The following ROBO2 variants were observed in gnomAD, a reference collection of about 807,000 sequenced individuals.
ROBO2 encodes roundabout guidance receptor 2.
ROBO2 carries 53 observed loss-of-function variants against 160.8 expected under a neutral mutation model. The observed-to-expected ratio is 0.33, with a 90% CI of 0.26 to 0.41. The LOEUF (loss-of-function observed/expected upper bound fraction) is 0.41. ROBO2 is among the 10% of genes least tolerant of loss of function. ROBO2 has a pLI of 1.00. For missense variants in ROBO2, 1,577 were observed against 1,722.4 expected (o/e 0.92, Z 1.49); for synonymous variants, 664 against 611.7 (o/e 1.09, Z -1.26).
Position 77,252,831 on chromosome 3 carries a change from A to AAAAAAAAAAAT in ROBO2, c.388+154492_388+154493insAAAAAAAAATA. On this transcript the variant is annotated intron_variant, in intron 2 of 25. Transcript: ENST00000461745. The stretch of plus-strand genomic sequence containing the variant: ...TCAAAAAAAAAAAAAAAAAAAAAAA[A>AAAAAAAAAAAT]ATATATATATATATATATATGAAAA... Among the ~76,000 whole-genome samples, 12 of 12,516 alleles carry AAAAAAAAAAAT rather than the reference A, an allele frequency of 9.6e-4. 1 individual carries two copies. The highest frequency in any genetic ancestry group is 1.6e-3 in the African/African-American group (10 of 6,314). The allele number at this position is 12,516 out of a possible 152,430, so 8.2% of individuals were successfully genotyped here. A position where few individuals can be genotyped will look rare whatever the true frequency, so the allele number is the denominator to read the frequency against.
chr3:77,191,710 GAACTGACC>G (rs879859749), intron 2 of ROBO2, among the ~76,000 whole-genome samples: 1 of 152,180 alleles, frequency 6.6e-6, no homozygotes, highest in African/African-American at 2.4e-5. Flanking sequence ...GAGGACCTGA[GAACTGACC>G]AATATTGGTT....
intron 2 of ROBO2, among the ~76,000 whole-genome samples, chr3:75,958,051 T>C (rs1444520509): frequency 1.3e-5 from 2 of 151,816 alleles, no homozygotes; most frequent in Non-Finnish European, 2.9e-5. Context: ...ATAAATGGTT[T>C]GCATGTGTCA....
chr3:76,085,863 A>T (rs1177088597), intron 2 of ROBO2, among the ~76,000 whole-genome samples: 1 of 152,166 alleles, frequency 6.6e-6, no homozygotes, highest in Non-Finnish European at 1.5e-5. Flanking sequence ...GAGCTCTAAG[A>T]ACTCTACCAG....
At chr3:77,568,688 C>A (rs1466474982) in intron 13 of ROBO2, among the ~76,000 whole-genome samples, 1 of 151,946 alleles carries the variant, frequency 6.6e-6, no homozygotes, top group South Asian at 2.1e-4. Context: ...AATTAGCATA[C>A]CATAAAGTGA....
At chr3:75,973,113 G>A (rs1197878705) in intron 2 of ROBO2, among the ~76,000 whole-genome samples, 4 of 151,718 alleles carry the variant, frequency 2.6e-5, no homozygotes, top group African/African-American at 9.7e-5. Flanking sequence ...TTACTAATTA[G>A]TGGTTAGTTA....
At chr3:77,311,367 A>C (rs573537386) in intron 2 of ROBO2, among the ~76,000 whole-genome samples, 1 of 152,336 alleles carries the variant, frequency 6.6e-6, no homozygotes, top group African/African-American at 2.4e-5. Context: ...TTCCACAGAT[A>C]AACTGTATAT....
chr3:77,619,552 C>A (rs901441185), intron 22 of ROBO2, among the ~76,000 whole-genome samples: 2 of 152,092 alleles, frequency 1.3e-5, no homozygotes, highest in African/African-American at 4.8e-5. Context: ...CATTACACAC[C>A]ATGGAGAATT....
intron 2 of ROBO2, among the ~76,000 whole-genome samples, chr3:76,446,938 C>G (rs1168481911): frequency 2.0e-5 from 3 of 152,140 alleles, no homozygotes; most frequent in South Asian, 4.1e-4. Context: ...CATAAAAACC[C>G]TAGAAGAAAA....
At chr3:76,742,031 TCTCAG>T (rs2093809802) in intron 2 of ROBO2, among the ~76,000 whole-genome samples, 1 of 152,082 alleles carries the variant, frequency 6.6e-6, no homozygotes, top group Non-Finnish European at 1.5e-5. Flanking sequence ...ATTATTTTAT[TCTCAG>T]ATCAGTCAAC....
intron 2 of ROBO2, among the ~76,000 whole-genome samples, chr3:76,337,614 G>A (rs975451157): frequency 1.3e-5 from 2 of 152,068 alleles, no homozygotes; most frequent in Admixed American, 6.6e-5. Flanking sequence ...TTATGACATG[G>A]AAGAAGAGAA....
At chr3:77,437,935 A>T (rs1366390853) in intron 2 of ROBO2, among the ~76,000 whole-genome samples, 1 of 152,038 alleles carries the variant, frequency 6.6e-6, no homozygotes, top group African/African-American at 2.4e-5. Context: ...GATAATAAAT[A>T]AAGTGTAGCA....
intron 2 of ROBO2, among the ~76,000 whole-genome samples, chr3:76,332,181 A>G (rs2073541322): frequency 6.6e-6 from 1 of 152,214 alleles, no homozygotes; most frequent in Admixed American, 6.5e-5. Flanking sequence ...AGACATTTTG[A>G]GACAAATGTT....
intron 20 of ROBO2, among the ~76,000 whole-genome samples, 176 bp downstream of exon 21, chr3:77,602,667 A>ACCACCGCCACCACCACCACCACCTCCT (rs2094453745): frequency 7.9e-6 from 1 of 126,762 alleles, no homozygotes; most frequent in East Asian, 2.6e-4. Context: ...CACCGCCACC[A>ACCACCGCCACCACCACCACCACCTCCT]CCACCACCAC....
chr3:76,579,141 T>C (rs891150141), intron 2 of ROBO2, among the ~76,000 whole-genome samples: 1 of 152,154 alleles, frequency 6.6e-6, no homozygotes, highest in Non-Finnish European at 1.5e-5. Context: ...CTCCCTCTGA[T>C]CCTTCCTCCA....
intron 1 of ROBO2, among the ~76,000 whole-genome samples, chr3:77,094,851 A>G (rs574838944): frequency 6.6e-6 from 1 of 152,116 alleles, no homozygotes; most frequent in Non-Finnish European, 1.5e-5. Context: ...TTGTTTAACT[A>G]CTTATTCTAA....
intron 21 of ROBO2, among the ~76,000 whole-genome samples, chr3:77,610,144 A>G (rs1476605029): frequency 6.6e-6 from 1 of 152,032 alleles, no homozygotes; most frequent in Admixed American, 6.5e-5. Flanking sequence ...ACCATATGAT[A>G]CTGAAAAAGA....
At chr3:76,316,516 C>T (rs1029426914) in intron 2 of ROBO2, among the ~76,000 whole-genome samples, 10 of 152,050 alleles carry the variant, frequency 6.6e-5, no homozygotes, top group South Asian at 2.1e-4. Context: ...CCCTGAAAAT[C>T]GCTGTTATTC....
At chr3:76,133,349 C>T (rs1379619994) in intron 2 of ROBO2, among the ~76,000 whole-genome samples, 1 of 151,696 alleles carries the variant, frequency 6.6e-6, no homozygotes, top group African/African-American at 2.4e-5. Context: ...TTTACTTTCA[C>T]ACTCAAATAT....
intron 2 of ROBO2, among the ~76,000 whole-genome samples, chr3:76,522,284 C>T (rs1167787829): frequency 2.6e-5 from 4 of 152,140 alleles, no homozygotes; most frequent in African/African-American, 7.2e-5. Context: ...TGTGTGTATT[C>T]AAGAGCCAAA....
Sources: allele counts gnomAD v4.1 joint callset (sites outside exome capture counted in the v4.1 genomes callset), GRCh38; gene constraint gnomAD v4.1.1; transcripts MANE v1.5; gene names NCBI Gene and HGNC (gene_info 2026-07-23, HGNC 2026-07-21).